The following EVPLL variants were observed in gnomAD, a reference collection of about 807,000 sequenced individuals.
EVPLL encodes envoplakin like, also known as envoplakin-like protein.
A neutral mutation model predicts 46.2 loss-of-function variants in EVPLL; 39 were observed. The ratio of observed to expected loss-of-function variants is 0.84; its 90% confidence interval spans 0.65 to 1.10. The LOEUF is 1.10. Among genes scored for constraint, EVPLL ranks in the 50% least tolerant of loss-of-function variants. EVPLL has a pLI of 0.00. For synonymous variants in EVPLL, 156 were observed against 165.8 expected (o/e 0.94, Z 0.46); for missense variants, 385 against 412.6 (o/e 0.93, Z 0.58).
intron 1 of EVPLL, among the ~76,000 whole-genome samples, chr17:18,378,481 C>T (rs1451525824): frequency 6.6e-6 from 1 of 152,090 alleles, no homozygotes; most frequent in African/African-American, 2.4e-5. Flanking sequence ...AGAGCCCTCC[C>T]CAGAGCTCTC....
intron 9 of EVPLL, among the ~76,000 whole-genome samples, chr17:18,387,292 A>C (rs1240881701): frequency 6.6e-6 from 1 of 151,936 alleles, no homozygotes; most frequent in African/African-American, 2.4e-5. Flanking sequence ...AATACTGTCC[A>C]TTTTATCCAT....
Position 18,381,853 on chromosome 17 carries a change from G to T in EVPLL, c.346+123G>T. On this transcript the variant is annotated intron_variant, in intron 4 of 10. Transcript: ENST00000399134. This position sits in a 1 kb window ranked among gnomAD's most constrained non-coding sequence, Gnocchi z 4.2. ...GTGGTGTCTCAGGGGTCTGGGCAGG[G>T]AGACAGCAGAGGAGACAGTGCAGTC... The T allele has an allele frequency of 1.4e-6, 2 of 1,466,712 alleles. No individual in the cohort carries two copies. Among genetic ancestry groups the T allele is most frequent in the East Asian group, 2.3e-5 (1 of 43,554 alleles). The allele number at this position is 1,466,712 out of a possible 1,614,324, so 90.9% of individuals were successfully genotyped here.
At position 18,383,508 on chromosome 17, in the gene EVPLL, T is replaced by G; in HGVS notation, c.797T>G (p.Leu266Arg). 6.3e-7 allele frequency: 1 copy of G among 1,582,002 alleles called. No individual in the cohort carries two copies. The highest frequency in any genetic ancestry group is 2.3e-5 in the East Asian group (1 of 43,646). ...GGTACCCAGGCCCACCAGGAGGCCC[T>G]GAAGATGGAGTGGCAGAACTTCCTG... ...VGPIQAHQEALKMEWQNFLNL... is the reference protein window; with the variant it reads ...VGPIQAHQEARKMEWQNFLNL... Residue 266 changes from leucine to arginine, a missense_variant, in exon 9 of 11, where the codon CTG becomes CGG. Transcript: ENST00000399134.
At chr17:18,378,735 T>C (rs537195336) in intron 1 of EVPLL, among the ~76,000 whole-genome samples, 5 of 151,348 alleles carry the variant, frequency 3.3e-5, no homozygotes, top group Non-Finnish European at 7.4e-5. Context: ...TGAGCCATGA[T>C]CACACCACTG....
chr17:18,386,059 C>T (rs1316297650), intron 9 of EVPLL, among the ~76,000 whole-genome samples: 2 of 152,160 alleles, frequency 1.3e-5, no homozygotes, highest in Non-Finnish European at 2.9e-5. Flanking sequence ...GACTGGGCAG[C>T]TTCAGCAACA....
In EVPLL at chr17:18,387,766, C is replaced by CT. The variant is rs1451225277; in HGVS notation, c.877-452dup. 1.3e-5 allele frequency: 2 copies of CT among 152,448 alleles called. 1 individual carries two copies. Among genetic ancestry groups the CT allele is most frequent in the South Asian group, 4.1e-4 (2 of 4,828 alleles). 9.4% of individuals were successfully genotyped at this position (152,448 alleles called of 1,614,324 possible). On this transcript the variant is annotated intron_variant, in intron 9 of 10. Coordinates refer to ENST00000399134, the MANE Select transcript of EVPLL (RefSeq NM_001145127.2). Reference sequence around the variant, plus strand: ...GGCTCATGCCTGTAATCCCAACACTCTGAGAGGCCGAGGCTGGAGGATTGC... The same window carrying CT: ...GGCTCATGCCTGTAATCCCAACACTCTTGAGAGGCCGAGGCTGGAGGATTGC...
At position 18,383,195 on chromosome 17, in the gene EVPLL, C is replaced by T; in HGVS notation, c.672+10C>T. On this transcript the variant is annotated intron_variant, in intron 7 of 10. Transcript: ENST00000399134. ...GCGGCGGGAATACGAGGTCGGCTGG[C>T]AGAGGTTGGGGCCAGGCGGGGGCGA... 6.5e-7 allele frequency: 1 copy of T among 1,546,872 alleles called. No individual in the cohort carries two copies. The highest frequency in any genetic ancestry group is 8.7e-7 in the Non-Finnish European group (1 of 1,151,138).
chr17:18,382,585 G>C lies in EVPLL; in HGVS notation c.419G>C (p.Arg140Pro), dbSNP rs1432482432. ...GGAACAGATCGCGGAGCTCAACATC[G>C]TGCAGAAGGAGATCAACGACCAAGG... ...AGGTDRGAQHRAEGDQRPRRA... is the reference protein window; with the variant it reads ...AGGTDRGAQHPAEGDQRPRRA... The change falls in exon 5 of 11, where the codon CGT (arginine) becomes CCT (proline). Residue 140 changes from arginine (R) to proline (P), a missense_variant. Physicochemically the swap from Arg to Pro is moderately radical, Grantham distance 103. Coordinates refer to ENST00000399134, the MANE Select transcript of EVPLL (RefSeq NM_001145127.2). 4 of 1,551,742 alleles carry C rather than the reference G, an allele frequency of 2.6e-6. No individual in the cohort carries two copies. The highest frequency in any genetic ancestry group is 3.9e-5 in the Admixed American group (2 of 50,998).
chr17:18,384,659 G>GAA (rs1987710245), intron 9 of EVPLL, among the ~76,000 whole-genome samples: 1 of 152,168 alleles, frequency 6.6e-6, no homozygotes, highest in Non-Finnish European at 1.5e-5. Flanking sequence ...TTGAGCCCGG[G>GAA]AAGTCGAGGC....
In EVPLL at chr17:18,383,302, A is replaced by G; in HGVS notation, c.704A>G (p.Glu235Gly). ...AAGCAGCACGAGCTGCTGAGCCAGG[A>G]GCAGAGCGTAAACCAGCTGGAGGAG... Reference protein sequence around the residue: ...HFKQHELLSQEQSVNQLEEDG... With the variant: ...HFKQHELLSQGQSVNQLEEDG... Residue 235 changes from glutamate to glycine, a missense_variant, in exon 8 of 11, where the codon GAG (glutamate) becomes GGG (glycine). By Grantham distance (98) the Glu-to-Gly change is moderately conservative. Transcript: ENST00000399134. 6.2e-7 allele frequency: 1 copy of G among 1,601,662 alleles called. No individual in the cohort carries two copies. Among genetic ancestry groups the G allele is most frequent in the South Asian group, 1.1e-5 (1 of 88,876 alleles).
In EVPLL at chr17:18,377,867, A is replaced by C; in HGVS notation, c.-153A>C. 2 of 949,770 alleles carry C rather than the reference A, an allele frequency of 2.1e-6. No homozygotes were observed. The highest frequency in any genetic ancestry group is 3.0e-5 in the East Asian group (1 of 33,102). 58.8% of individuals were successfully genotyped at this position (949,770 alleles called of 1,614,324 possible). A position where few individuals can be genotyped will look rare whatever the true frequency, so the allele number is the denominator to read the frequency against. ...TCACCAGCCAAGCCCAGCCTGAGCC[A>C]GCACCTGCCTTTATGACCATGTTCA... On this transcript the variant is annotated 5_prime_UTR_variant, in exon 1 of 11. Coordinates refer to ENST00000399134, the MANE Select transcript of EVPLL (RefSeq NM_001145127.2).
At chr17:18,380,878 C>T in intron 1 of EVPLL, 24 bp from the exon 2 acceptor site, 1 of 1,550,018 alleles carries the variant, frequency 6.5e-7, no homozygotes, top group Non-Finnish European at 8.7e-7. Flanking sequence ...ACCGAGCTGC[C>T]CACTGTCCCC....
intron 1 of EVPLL, 103 bp from the exon 2 acceptor site, chr17:18,380,799 G>T: frequency 9.4e-6 from 9 of 959,016 alleles, no homozygotes; most frequent in African/African-American, 1.6e-5. Flanking sequence ...GTGCTAGGCT[G>T]TGGGGGCGGG....
intron 9 of EVPLL, among the ~76,000 whole-genome samples, chr17:18,383,863 CTCAGGAGGCT>C (rs1406110386): frequency 6.6e-6 from 1 of 152,142 alleles, no homozygotes; most frequent in Admixed American, 6.5e-5. Context: ...ATCCCAGCTA[CTCAGGAGGCT>C]GAGGCAGGAG....
chr17:18,381,356 C>T lies in EVPLL; in HGVS notation c.64-11C>T. ...TGGACCCTGGCAAGTCTGCCCATCCCCTGCCCACAGGACCGGCTGAACAGT... is the reference window on the plus strand; with the variant it reads ...TGGACCCTGGCAAGTCTGCCCATCCTCTGCCCACAGGACCGGCTGAACAGT... On this transcript the variant is annotated splice_polypyrimidine_tract_variant and intron_variant, in intron 2 of 10. Transcript: ENST00000399134. The surrounding 1 kb of genome is among the most constrained non-coding windows in gnomAD (Gnocchi z 4.2). The T allele has an allele frequency of 1.3e-6, 2 of 1,545,486 alleles. No homozygotes were observed. Among genetic ancestry groups the T allele is most frequent in the Non-Finnish European group, 1.7e-6 (2 of 1,143,036 alleles).
At chr17:18,385,975 G>A (rs529245598) in intron 9 of EVPLL, among the ~76,000 whole-genome samples, 27 of 152,196 alleles carry the variant, frequency 1.8e-4, no homozygotes, top group African/African-American at 6.5e-4. Flanking sequence ...AGTCTCCATC[G>A]CTCATTCCAT....
chr17:18,386,208 C>T (rs907564708), intron 9 of EVPLL, among the ~76,000 whole-genome samples: 4 of 152,154 alleles, frequency 2.6e-5, no homozygotes, highest in East Asian at 1.9e-4. Context: ...CCCGGTGTCT[C>T]TTCACCTGGT....
At position 18,382,608 on chromosome 17, in the gene EVPLL, A is replaced by G. The variant is rs1281283680; in HGVS notation, c.442A>G (p.Arg148Gly). Residue 148 changes from arginine (R) to glycine (G), a missense_variant, in exon 5 of 11, where the codon AGG becomes GGG. Transcript: ENST00000399134. ...QHRAEGDQRP[R>G]RAAAEPGGAG... ...TCGTGCAGAAGGAGATCAACGACCAAGGAGAGCAGCTGCGGAGCCTGGTGG... is the reference window on the plus strand; with the variant it reads ...TCGTGCAGAAGGAGATCAACGACCAGGGAGAGCAGCTGCGGAGCCTGGTGG... The G allele has an allele frequency of 3.2e-6, 5 of 1,551,848 alleles. No homozygotes were observed. The Admixed American group carries it at 9.8e-5, about 30-fold the overall frequency.
At chr17:18,387,731 C>T (rs926414477) in intron 9 of EVPLL, among the ~76,000 whole-genome samples, 42 of 152,096 alleles carry the variant, frequency 2.8e-4, no homozygotes, top group Non-Finnish European at 4.6e-4. Flanking sequence ...ATGTGTAAGC[C>T]GAGTGCAGTG....
Sources: allele counts gnomAD v4.1 joint callset (sites outside exome capture counted in the v4.1 genomes callset), GRCh38; gene constraint gnomAD v4.1.1; non-coding constraint Gnocchi (gnomAD v3.1); transcripts MANE v1.5; gene names NCBI Gene and HGNC (gene_info 2026-07-23, HGNC 2026-07-21).